The following SIPA1L1 variants were observed in gnomAD, a reference collection of about 807,000 sequenced individuals.
The protein encoded by SIPA1L1 is signal-induced proliferation-associated 1-like protein 1.
In SIPA1L1, 26 loss-of-function variants were observed where a neutral mutation model predicts 162.7. The observed-to-expected ratio is 0.16, with a 90% CI of 0.12 to 0.22. The LOEUF is 0.22. Ranked by LOEUF, SIPA1L1 falls within the 10% of genes least tolerant of loss-of-function variation. The pLI, the probability that SIPA1L1 is intolerant of heterozygous loss-of-function variation, is 1.00. For synonymous variants in SIPA1L1, 829 were observed against 837.4 expected, an observed-to-expected ratio of 0.99 and a Z score of 0.17; for missense variants, 1,874 against 2,241.0, an observed-to-expected ratio of 0.84 and a Z score of 3.31.
chr14:71,415,900 G>A (rs1317480991), intron 2 of SIPA1L1: 1 of 152,220 alleles, frequency 6.6e-6, no homozygotes. Context: ...GTTTCGCCAT[G>A]TTGGCTAGGC....
At chr14:71,376,276 G>A (rs957249126) in intron 2 of SIPA1L1, among the ~76,000 whole-genome samples, 11 of 151,428 alleles carry the variant, frequency 7.3e-5, no homozygotes, top group African/African-American at 2.7e-4. Context: ...AATTTTCCAA[G>A]AAATTTGTCC....
intron 4 of SIPA1L1, among the ~76,000 whole-genome samples, chr14:71,585,042 TTTAA>T (rs1270438956): frequency 1.3e-5 from 2 of 152,080 alleles, no homozygotes; most frequent in Non-Finnish European, 2.9e-5. Context: ...TGACTGGTAG[TTTAA>T]TAAGTGCAAA....
rs1039216866 is a variant in SIPA1L1, at chr14:71,624,269, C to T, written c.1818+33C>T. 4 of 1,564,430 alleles carry T rather than the reference C, an allele frequency of 2.6e-6. No homozygotes were observed. In the African/African-American group the frequency reaches 4.1e-5, roughly 16 times the overall value. ...TGCCTTTCTGAGGAGAGCATTCTTGCTCAGGTTTATTGCTAGGCTTCCGGA... is the reference window on the plus strand; with the variant it reads ...TGCCTTTCTGAGGAGAGCATTCTTGTTCAGGTTTATTGCTAGGCTTCCGGA... On this transcript the variant is annotated intron_variant, in intron 7 of 23. Coordinates refer to ENST00000381232, the MANE Select transcript of SIPA1L1 (RefSeq NM_001386936.1).
chr14:71,328,502 ATATAATTTTT>A (rs2034097317), intron 2 of SIPA1L1, among the ~76,000 whole-genome samples: 1 of 152,212 alleles, frequency 6.6e-6, no homozygotes, highest in Admixed American at 6.5e-5. Context: ...AGTGGCTTTT[ATATAATTTTT>A]AGATCTATGC....
chr14:71,411,669 C>G (rs1163468358), intron 2 of SIPA1L1, among the ~76,000 whole-genome samples: 1 of 152,224 alleles, frequency 6.6e-6, no homozygotes, highest in African/African-American at 2.4e-5. Context: ...GACTGGAGTC[C>G]TGCCTCTGGC....
intron 13 of SIPA1L1, among the ~76,000 whole-genome samples, chr14:71,691,922 T>C (rs1195030743): frequency 5.9e-5 from 9 of 152,240 alleles, no homozygotes; most frequent in Non-Finnish European, 1.2e-4. Context: ...ATGTTATTTG[T>C]CCATTTCTTT....
At chr14:71,548,120 A>C (rs1368696534) in intron 4 of SIPA1L1, among the ~76,000 whole-genome samples, 1 of 152,240 alleles carries the variant, frequency 6.6e-6, no homozygotes, top group Non-Finnish European at 1.5e-5. Context: ...TGGTTATGTG[A>C]GGCATTGTTT....
intron 2 of SIPA1L1, among the ~76,000 whole-genome samples, chr14:71,339,126 A>G (rs2035386473): frequency 6.6e-6 from 1 of 152,162 alleles, no homozygotes; most frequent in African/African-American, 2.4e-5. Context: ...GAGTCAAGGG[A>G]GTAATGCAGA....
intron 2 of SIPA1L1, among the ~76,000 whole-genome samples, chr14:71,379,018 T>A (rs2141150358): frequency 6.6e-6 from 1 of 152,292 alleles, no homozygotes; most frequent in African/African-American, 2.4e-5. Flanking sequence ...ATTTTCAGCC[T>A]CACCCCTTAG....
intron 3 of SIPA1L1, among the ~76,000 whole-genome samples, chr14:71,525,262 A>G (rs2094294637): frequency 6.6e-6 from 1 of 151,336 alleles, no homozygotes; most frequent in African/African-American, 2.4e-5. Flanking sequence ...GGCTCACTGC[A>G]AGCCCCACCT....
At position 71,699,116 on chromosome 14, in the gene SIPA1L1, C is replaced by T. The variant is rs763964672; in HGVS notation, c.3510C>T (p.Ser1170=). 6.2e-7 allele frequency: 1 copy of T among 1,614,134 alleles called. No individual in the cohort carries two copies. The highest frequency in any genetic ancestry group is 8.5e-7 in the Non-Finnish European group (1 of 1,179,972). Residue 1170 remains serine (S), a synonymous_variant, in exon 14 of 24, where the codon TCC becomes TCT. Transcript: ENST00000381232. ...TGGGGGGCACTTACAGGCAGAAGTC[C>T]ATGCCCGAAGGGTAGTTATGCGTTT... The part of the protein sequence containing the change: ...GSVGGTYRQK[S]MPEGFGVSRR...
intron 7 of SIPA1L1, among the ~76,000 whole-genome samples, chr14:71,642,469 A>G (rs1258545899): frequency 6.6e-6 from 1 of 152,192 alleles, no homozygotes; most frequent in East Asian, 1.9e-4. Context: ...GAGCCTCACA[A>G]TGCTTTTGCC....
intron 12 of SIPA1L1, among the ~76,000 whole-genome samples, chr14:71,676,312 A>G (rs1379247533): frequency 6.6e-6 from 1 of 151,612 alleles, no homozygotes; most frequent in African/African-American, 2.4e-5. Context: ...GAATAAATAA[A>G]TAAAATAACA....
chr14:71,626,553 C>T (rs1429754476), intron 7 of SIPA1L1, among the ~76,000 whole-genome samples: 1 of 152,140 alleles, frequency 6.6e-6, no homozygotes, highest in East Asian at 1.9e-4. Context: ...GGTGCCTTTA[C>T]AAATACAGAT....
chr14:71,385,360 G>C (rs1389456961), intron 2 of SIPA1L1, among the ~76,000 whole-genome samples: 1 of 152,158 alleles, frequency 6.6e-6, no homozygotes, highest in East Asian at 1.9e-4. Flanking sequence ...CCATCCCAGA[G>C]TCTTCTCTGC....
chr14:71,688,592 T>C (rs2149612338), intron 13 of SIPA1L1, among the ~76,000 whole-genome samples: 1 of 152,306 alleles, frequency 6.6e-6, no homozygotes, highest in East Asian at 1.9e-4. Context: ...CCCTTTGTAG[T>C]CCTACTGAGA....
intron 2 of SIPA1L1, among the ~76,000 whole-genome samples, chr14:71,451,708 CT>C (rs2045839988): frequency 6.7e-6 from 1 of 150,036 alleles, no homozygotes; most frequent in South Asian, 2.1e-4. Context: ...GTACTACATT[CT>C]TGCTAAGAGA....
chr14:71,678,758 C>T (rs903674161), intron 12 of SIPA1L1, among the ~76,000 whole-genome samples: 2 of 151,692 alleles, frequency 1.3e-5, no homozygotes, highest in Non-Finnish European at 2.9e-5. Context: ...GGCTGTGAAT[C>T]CGTCTGGTCC....
chr14:71,423,140 C>T (rs927531173), intron 2 of SIPA1L1, among the ~76,000 whole-genome samples: 2 of 152,020 alleles, frequency 1.3e-5, no homozygotes, highest in African/African-American at 2.4e-5. Flanking sequence ...AATGTTTATC[C>T]AAGATCTTTG....
Sources: gnomAD v4.1 joint callset for allele counts (sites outside exome capture counted in the v4.1 genomes callset) on GRCh38, gnomAD v4.1.1 for gene constraint, MANE v1.5 for transcripts, NCBI Gene and HGNC (gene_info 2026-07-23, HGNC 2026-07-21) for gene names.